Variants in BBX observed in about 807,000 individuals in gnomAD.
The protein encoded by BBX is BBX high mobility group box domain containing.
In BBX, 30 loss-of-function variants were observed where a neutral mutation model predicts 100.2. The ratio of observed to expected loss-of-function variants is 0.30; its 90% CI spans 0.22 to 0.41. BBX has a LOEUF of 0.41. Among genes scored for constraint, BBX ranks in the 10% least tolerant of loss-of-function variants. The probability of loss-of-function intolerance (pLI) is 1.00; values close to 1 mark genes in which losing one functional copy is unlikely to be tolerated. For synonymous variants in BBX, 376 were observed against 388.1 expected, an observed-to-expected ratio of 0.97 and a Z score of 0.37; for missense variants, 1,023 against 1,129.8, an observed-to-expected ratio of 0.91 and a Z score of 1.35.
At chr3:107,778,595 T>G in intron 13 of BBX, 76 bp downstream of exon 13, 4 of 1,475,090 alleles carry the variant, frequency 2.7e-6, no homozygotes, top group Non-Finnish European at 3.7e-6. Context: ...TTAGCTCCCT[T>G]TAGACATATC....
chr3:107,527,791 A>G (rs2047884845), intron 2 of BBX, among the ~76,000 whole-genome samples: 1 of 152,238 alleles, frequency 6.6e-6, no homozygotes, highest in Non-Finnish European at 1.5e-5. Context: ...GCACACTAAA[A>G]TACATGGATT....
chr3:107,737,884 G>GTTTTTTTTTTTTTTTTTTTTTTTTTT (rs1156396951), intron 7 of BBX, among the ~76,000 whole-genome samples: 2 of 48,886 alleles, frequency 4.1e-5, no homozygotes, highest in Non-Finnish European at 3.4e-5. Context: ...CAGAGTTCCA[G>GTTTTTTTTTTTTTTTTTTTTTTTTTT]TTTTTTTTTT....
At chr3:107,619,681 C>T (rs2055591306) in intron 2 of BBX, among the ~76,000 whole-genome samples, 1 of 151,896 alleles carries the variant, frequency 6.6e-6, no homozygotes, top group African/African-American at 2.4e-5. Flanking sequence ...TGTCTTTATT[C>T]CCTTTCCATT....
At chr3:107,666,204 G>A (rs71319269) in intron 3 of BBX, among the ~76,000 whole-genome samples, 1 of 152,068 alleles carries the variant, frequency 6.6e-6, no homozygotes, top group African/African-American at 2.4e-5. Context: ...TTAATTCTCT[G>A]TAGACTGTAA....
intron 3 of BBX, among the ~76,000 whole-genome samples, chr3:107,660,480 A>G (rs1269843496): frequency 6.7e-6 from 1 of 148,446 alleles, no homozygotes; most frequent in Non-Finnish European, 1.5e-5. Flanking sequence ...ATTTTTTTAA[A>G]TCGTAAGTAT....
chr3:107,777,872 T>C (rs1323161075), intron 12 of BBX, among the ~76,000 whole-genome samples: 1 of 152,156 alleles, frequency 6.6e-6, no homozygotes, highest in East Asian at 1.9e-4. Context: ...TTAAAGAAAC[T>C]AATTTTACAA....
chr3:107,566,160 A>C (rs1039412221), intron 2 of BBX, among the ~76,000 whole-genome samples: 1 of 114,232 alleles, frequency 8.8e-6, no homozygotes, highest in African/African-American at 3.2e-5. Flanking sequence ...GGGCAACAAG[A>C]GCGAAACTCT....
chr3:107,687,671 C>T (rs1377690063), intron 3 of BBX, among the ~76,000 whole-genome samples: 1 of 152,162 alleles, frequency 6.6e-6, no homozygotes, highest in East Asian at 1.9e-4. Flanking sequence ...GGACTAGACA[C>T]TGGTCATTTT....
chr3:107,705,180 G>C (rs1490398875), intron 3 of BBX, among the ~76,000 whole-genome samples: 2 of 152,116 alleles, frequency 1.3e-5, no homozygotes, highest in Non-Finnish European at 2.9e-5. Context: ...CTCTGGAGAA[G>C]GCCGTGCGGT....
rs1208290358 is a variant in BBX, at chr3:107,811,013, T to G, written c.*5556T>G. 6.6e-6 allele frequency: 1 copy of G among 152,182 alleles called. No individual in the cohort carries two copies. The highest frequency in any genetic ancestry group is 1.9e-4 in the East Asian group (1 of 5,196). The allele number at this position is 152,182 out of a possible 1,614,324, so 9.4% of individuals were successfully genotyped here. On this transcript the variant is annotated 3_prime_UTR_variant, in exon 18 of 18. Transcript: ENST00000325805. ...CCACTTAATGGTACAACAGAATTAT[T>G]GCTTTCTTAGATGTATGTGTAGTAA...
At chr3:107,627,643 CT>C (rs1559891152) in intron 2 of BBX, among the ~76,000 whole-genome samples, 2 of 152,006 alleles carry the variant, frequency 1.3e-5, no homozygotes, top group African/African-American at 4.8e-5. Flanking sequence ...TAAACTTTTA[CT>C]TTCTCTAAGT....
intron 3 of BBX, among the ~76,000 whole-genome samples, chr3:107,707,390 A>T (rs1355572834): frequency 6.6e-6 from 1 of 152,238 alleles, no homozygotes; most frequent in Non-Finnish European, 1.5e-5. Context: ...GGAGAATATA[A>T]ATAGTGAATC....
At chr3:107,654,030 A>G (rs769906358) in intron 3 of BBX, among the ~76,000 whole-genome samples, 8 of 152,154 alleles carry the variant, frequency 5.3e-5, no homozygotes, top group Admixed American at 1.3e-4. Flanking sequence ...GAATACCACT[A>G]TGTTTTCAGC....
At chr3:107,603,306 A>G (rs112862441) in intron 2 of BBX, among the ~76,000 whole-genome samples, 7,302 of 152,254 alleles carry the variant, frequency 0.048, 274 homozygotes, top group Admixed American at 0.061. Context: ...CTATCAAACC[A>G]CATCTCCTGG....
At chr3:107,730,533 A>G (rs1197474180) in intron 6 of BBX, among the ~76,000 whole-genome samples, 2 of 150,260 alleles carry the variant, frequency 1.3e-5, no homozygotes, top group African/African-American at 2.5e-5. Context: ...CACAAACCAT[A>G]TAACAATTGT....
At chr3:107,551,563 C>T (rs781748243) in intron 2 of BBX, among the ~76,000 whole-genome samples, 16 of 152,208 alleles carry the variant, frequency 1.1e-4, no homozygotes, top group Admixed American at 2.6e-4. Context: ...ATGTAATATG[C>T]ATGATCCTTT....
intron 2 of BBX, among the ~76,000 whole-genome samples, chr3:107,565,776 TA>T (rs1163548843): frequency 6.6e-6 from 1 of 151,968 alleles, no homozygotes; most frequent in African/African-American, 2.4e-5. Context: ...TTTTATTTTT[TA>T]TTTTTTTGAA....
intron 5 of BBX, among the ~76,000 whole-genome samples, chr3:107,720,117 G>C (rs750216497): frequency 1.3e-5 from 2 of 152,024 alleles, no homozygotes; most frequent in Non-Finnish European, 1.5e-5. Flanking sequence ...TGTAAAGTGA[G>C]TTATGATTAT....
rs1158136233 is a variant in BBX, at chr3:107,795,613, C to CTTTTTTTT, written c.2354-2892_2354-2885dup. Reference sequence around the variant, plus strand: ...AACTTATGAGAACCTCCGACGTAGTCTTTTTTTTTTTTTTTTTTTTTTTTT... The same window carrying CTTTTTTTT: ...AACTTATGAGAACCTCCGACGTAGTCTTTTTTTTTTTTTTTTTTTTTTTTTTTTTTTTT... On this transcript the variant is annotated intron_variant, in intron 15 of 17. Transcript: ENST00000325805. Among the ~76,000 whole-genome samples, 20 of 60,032 alleles carry CTTTTTTTT rather than the reference C, an allele frequency of 3.3e-4. 1 individual carries two copies. Among genetic ancestry groups the CTTTTTTTT allele is most frequent in the South Asian group, 8.0e-4 (1 of 1,252 alleles). The allele number at this position is 60,032 out of a possible 152,430, so 39.4% of individuals were successfully genotyped here.
Sources: allele counts gnomAD v4.1 joint callset (sites outside exome capture counted in the v4.1 genomes callset), GRCh38; gene constraint gnomAD v4.1.1; transcripts MANE v1.5; gene names NCBI Gene and HGNC (gene_info 2026-07-23, HGNC 2026-07-21).